SAXO1: variants seen among roughly 807,000 people sequenced by gnomAD.
SAXO1 encodes the protein 4930500O09Rik.
In SAXO1, 21 loss-of-function variants were observed where a neutral mutation model predicts 17.5. The observed-to-expected ratio is 1.20, with a 90% CI of 0.85 to 1.72. The LOEUF (loss-of-function observed/expected upper bound fraction) is 1.72, where lower values mean the gene tolerates loss of function less well. Ranked by LOEUF, SAXO1 falls within the 40% of genes most tolerant of loss-of-function variation. SAXO1 has a pLI of 0.00. For missense variants in SAXO1, 843 were observed against 596.0 expected, an observed-to-expected ratio of 1.41 and a Z score of -4.32; for synonymous variants, 274 against 216.5, an observed-to-expected ratio of 1.27 and a Z score of -2.33.
At chr9:19,028,545 G>A (rs1172108041) in intron 1 of SAXO1, among the ~76,000 whole-genome samples, 1 of 152,108 alleles carries the variant, frequency 6.6e-6, no homozygotes, top group African/African-American at 2.4e-5. Flanking sequence ...TAATTAAGTG[G>A]TACATTAGTT....
chr9:18,944,554 C>T (rs568345940), intron 2 of SAXO1, among the ~76,000 whole-genome samples: 89 of 152,270 alleles, frequency 5.8e-4, no homozygotes, highest in African/African-American at 2.1e-3. Context: ...GCACATGTGA[C>T]ATGAACCAAG....
chr9:19,005,669 A>G (rs949992597), intron 1 of SAXO1, among the ~76,000 whole-genome samples: 2 of 152,228 alleles, frequency 1.3e-5, no homozygotes, highest in Non-Finnish European at 2.9e-5. Context: ...CTAAAACTAT[A>G]CAAACGCTGA....
intron 1 of SAXO1, among the ~76,000 whole-genome samples, chr9:19,007,444 G>A (rs1054845645): frequency 5.9e-5 from 9 of 152,050 alleles, no homozygotes; most frequent in South Asian, 4.1e-4. Flanking sequence ...TTTAAAATAC[G>A]GACTTTTTGG....
At chr9:18,942,399 C>T (rs1360857105) in intron 2 of SAXO1, among the ~76,000 whole-genome samples, 2 of 152,182 alleles carry the variant, frequency 1.3e-5, no homozygotes, top group Non-Finnish European at 2.9e-5. Context: ...ACAATGCCAC[C>T]GTTTCTACTG....
At chr9:18,948,685 T>C (rs1419978596) in intron 2 of SAXO1, among the ~76,000 whole-genome samples, 1 of 152,166 alleles carries the variant, frequency 6.6e-6, no homozygotes, top group Non-Finnish European at 1.5e-5. Context: ...GAGCTAGGTG[T>C]TGGGGCAGGT....
intron 3 of SAXO1, among the ~76,000 whole-genome samples, chr9:18,931,196 G>A (rs1831033324): frequency 6.6e-6 from 1 of 152,104 alleles, no homozygotes; most frequent in African/African-American, 2.4e-5. Flanking sequence ...TCCAGCCCCA[G>A]GCAACCATTA....
chr9:19,009,792 C>T (rs971021002), intron 1 of SAXO1, among the ~76,000 whole-genome samples: 11 of 151,846 alleles, frequency 7.2e-5, no homozygotes, highest in Admixed American at 2.0e-4. Context: ...GAATATTCAC[C>T]GTCTAAAGAG....
Position 19,027,198 on chromosome 9 carries a change from G to C in SAXO1, c.38+5673C>G, listed in dbSNP as rs916404625. On this transcript the variant is annotated intron_variant, in intron 1 of 3. Coordinates refer to ENST00000380534, the MANE Select transcript of SAXO1 (RefSeq NM_153707.4). ...TATTGACCTGGACTCCCAGAGGAAG[G>C]ACAAGTGTGCTGTGATCAAAACCTC... The C allele has an allele frequency of 7.6e-6, 9 of 1,183,646 alleles. No homozygotes were observed. The Admixed American group carries it at 8.5e-5, about 11-fold the overall frequency. The allele number at this position is 1,183,646 out of a possible 1,614,324, so 73.3% of individuals were successfully genotyped here.
chr9:18,953,680 G>C lies in SAXO1; in HGVS notation c.39-2743C>G, dbSNP rs374522435. On this transcript the variant is annotated intron_variant, in intron 1 of 3. Coordinates refer to ENST00000380534, the MANE Select transcript of SAXO1 (RefSeq NM_153707.4). Reference sequence around the variant, plus strand: ...TACCCAGGACCATGTCTTCTCATTGGTGATCAACCCAACCCTCATTAACCA... The same window carrying C: ...TACCCAGGACCATGTCTTCTCATTGCTGATCAACCCAACCCTCATTAACCA... Among the ~76,000 whole-genome samples the C allele has an allele frequency of 2.9e-3, 446 of 152,232 alleles. 6 individuals are homozygous for C. The South Asian group carries it at 0.044, about 15-fold the overall frequency.
intron 1 of SAXO1, among the ~76,000 whole-genome samples, chr9:18,979,183 A>G (rs1833270315): frequency 6.6e-6 from 1 of 152,132 alleles, no homozygotes. Context: ...AAAAAACCCA[A>G]GATTGAGATA....
intron 1 of SAXO1, among the ~76,000 whole-genome samples, chr9:19,022,547 G>A (rs1238971384): frequency 6.6e-6 from 1 of 152,086 alleles, no homozygotes; most frequent in African/African-American, 2.4e-5. Flanking sequence ...CAGAAGACTT[G>A]AAATGCATCA....
At chr9:18,934,369 TTC>T (rs1356606195) in intron 3 of SAXO1, among the ~76,000 whole-genome samples, 1 of 152,196 alleles carries the variant, frequency 6.6e-6, no homozygotes, top group Non-Finnish European at 1.5e-5. Flanking sequence ...CTTAATTTTT[TTC>T]TGTTCTTCAG....
At chr9:18,982,307 A>G (rs1309210925) in intron 1 of SAXO1, among the ~76,000 whole-genome samples, 2 of 152,212 alleles carry the variant, frequency 1.3e-5, no homozygotes, top group Non-Finnish European at 2.9e-5. Flanking sequence ...ATGAATTTCA[A>G]TGTCACATTT....
intron 1 of SAXO1, among the ~76,000 whole-genome samples, chr9:19,022,366 G>A (rs1197395988): frequency 6.6e-6 from 1 of 152,180 alleles, no homozygotes; most frequent in Non-Finnish European, 1.5e-5. Flanking sequence ...AAGTGAGTGA[G>A]ACCAAGAATC....
At chr9:19,034,274 G>C (rs540465389), upstream of SAXO1, among the ~76,000 whole-genome samples, 2 of 110,926 alleles carry the variant, frequency 1.8e-5, no homozygotes, top group Non-Finnish European at 3.6e-5. Context: ...CTTTTTGTGT[G>C]GGGGGGGTTA....
chr9:19,026,602 G>A (rs1034009315), intron 1 of SAXO1, among the ~76,000 whole-genome samples: 5 of 152,194 alleles, frequency 3.3e-5, no homozygotes, highest in Admixed American at 6.5e-5. Flanking sequence ...GGAAAAGAGA[G>A]GCTAAAATCA....
At chr9:18,996,250 G>T (rs895670530) in intron 1 of SAXO1, among the ~76,000 whole-genome samples, 3 of 152,164 alleles carry the variant, frequency 2.0e-5, no homozygotes, top group Non-Finnish European at 4.4e-5. Flanking sequence ...GTATTTTAAA[G>T]TAAGTCCCAG....
intron 1 of SAXO1, among the ~76,000 whole-genome samples, chr9:18,966,893 A>G (rs1443319946): frequency 6.6e-6 from 1 of 151,890 alleles, no homozygotes; most frequent in Non-Finnish European, 1.5e-5. Flanking sequence ...TCTACCTTTA[A>G]TCTTTGATGT....
rs140123361 is a variant in SAXO1, at chr9:18,954,044, T to G, written c.39-3107A>C. Among the ~76,000 whole-genome samples, 382 of 152,304 alleles carry G rather than the reference T, an allele frequency of 2.5e-3. 1 individual carries two copies. Among genetic ancestry groups the G allele is most frequent in the African/African-American group, 8.8e-3 (365 of 41,558 alleles). On this transcript the variant is annotated intron_variant, in intron 1 of 3. Transcript: ENST00000380534. Reference sequence around the variant, plus strand: ...GTGATACTTGGGTCGTTCCAAGAGCTGCCCTCGCCACCTTGCTCAGGTACA... The same window carrying G: ...GTGATACTTGGGTCGTTCCAAGAGCGGCCCTCGCCACCTTGCTCAGGTACA...
Sources: allele counts gnomAD v4.1 joint callset (sites outside exome capture counted in the v4.1 genomes callset), GRCh38; gene constraint gnomAD v4.1.1; transcripts MANE v1.5; gene names NCBI Gene and HGNC (gene_info 2026-07-23, HGNC 2026-07-21).